FBXO4: variants seen among roughly 807,000 people sequenced by gnomAD.
FBXO4 encodes F-box only protein 4.
A neutral mutation model predicts 43.7 loss-of-function variants in FBXO4; 36 were observed. The observed-to-expected ratio is 0.82, with a 90% CI of 0.63 to 1.09. FBXO4 has a LOEUF of 1.09. FBXO4 is among the 50% of genes least tolerant of loss of function. FBXO4 has a pLI of 0.00. For synonymous variants in FBXO4, 180 were observed against 165.6 expected (o/e 1.09, Z -0.67); for missense variants, 435 against 474.1 (o/e 0.92, Z 0.77).
intron 6 of FBXO4, among the ~76,000 whole-genome samples, chr5:41,940,915 C>T (rs1751988860): frequency 6.6e-6 from 1 of 152,022 alleles, no homozygotes; most frequent in African/African-American, 2.4e-5. Context: ...AATTTTTTCC[C>T]CTCATACATG....
At chr5:42,020,413 T>C in the FBXO4 span, among the ~76,000 whole-genome samples, 15 of 152,176 alleles carry the variant, frequency 9.9e-5, no homozygotes, top group Non-Finnish European at 2.2e-4. Context: ...CTGATCTAGA[T>C]AAATACAGAG....
the FBXO4 span, among the ~76,000 whole-genome samples, chr5:41,995,936 G>A: frequency 6.6e-6 from 1 of 152,160 alleles, no homozygotes; most frequent in Admixed American, 6.5e-5. Context: ...CTTCACTACT[G>A]TCCTTCAGGC....
chr5:42,032,973 C>T, the FBXO4 span, among the ~76,000 whole-genome samples: 106 of 152,232 alleles, frequency 7.0e-4, no homozygotes, highest in African/African-American at 2.4e-3. Context: ...GACCTAGGTC[C>T]TTCCCTTCAA....
At chr5:42,031,515 C>G in the FBXO4 span, among the ~76,000 whole-genome samples, 2 of 150,566 alleles carry the variant, frequency 1.3e-5, no homozygotes, top group Non-Finnish European at 1.5e-5. Flanking sequence ...TGCTAAATGA[C>G]GAGTTAATGG....
At chr5:42,018,140 A>T in the FBXO4 span, among the ~76,000 whole-genome samples, 1 of 148,872 alleles carries the variant, frequency 6.7e-6, no homozygotes, top group East Asian at 1.9e-4. Context: ...TAATTAACAA[A>T]CTATATATAT....
intron 5 of FBXO4, among the ~76,000 whole-genome samples, chr5:41,936,823 T>A (rs1234529813): frequency 6.6e-6 from 1 of 151,608 alleles, no homozygotes; most frequent in African/African-American, 2.4e-5. Context: ...ATCTATCCAG[T>A]GATCTAACTC....
chr5:41,930,954 C>T (rs377715952), intron 3 of FBXO4, among the ~76,000 whole-genome samples: 72 of 152,276 alleles, frequency 4.7e-4, no homozygotes, highest in African/African-American at 1.6e-3. Flanking sequence ...CCGCGCCCGG[C>T]GGAGAACTAC....
Position 41,933,927 on chromosome 5 carries a change from CTG to C in FBXO4, c.647-16_647-15del, listed in dbSNP as rs751161590. ...TTTTATTAATGATTTGTTTTGGTAACTGTGATTTTCTTTCTTAGGTATTGGAT... is the reference window on the plus strand; with the variant it reads ...TTTTATTAATGATTTGTTTTGGTAACTGATTTTCTTTCTTAGGTATTGGAT... On this transcript the variant is annotated splice_polypyrimidine_tract_variant and intron_variant, in intron 3 of 6. Transcript: ENST00000281623. 6.3e-6 allele frequency: 10 copies of C among 1,590,472 alleles called. No homozygotes were observed. Among genetic ancestry groups the C allele is most frequent in the Admixed American group, 5.2e-5 (3 of 58,028 alleles).
At chr5:41,931,121 G>T (rs1751675600) in intron 3 of FBXO4, among the ~76,000 whole-genome samples, 1 of 152,170 alleles carries the variant, frequency 6.6e-6, no homozygotes, top group Non-Finnish European at 1.5e-5. Context: ...GATGATCAAG[G>T]TTGCATGTTA....
chr5:41,978,007 A>G, the FBXO4 span, among the ~76,000 whole-genome samples: 1 of 152,172 alleles, frequency 6.6e-6, no homozygotes, highest in African/African-American at 2.4e-5. Context: ...AACAGGCTTA[A>G]TTAGCACACA....
chr5:41,959,478 C>A, the FBXO4 span, among the ~76,000 whole-genome samples: 1 of 151,986 alleles, frequency 6.6e-6, no homozygotes, highest in South Asian at 2.1e-4. Flanking sequence ...TGCCATGGAG[C>A]TTTCCCTCCA....
At chr5:41,962,235 C>T in the FBXO4 span, among the ~76,000 whole-genome samples, 28 of 152,154 alleles carry the variant, frequency 1.8e-4, no homozygotes, top group African/African-American at 6.5e-4. Context: ...GGATCTGTGC[C>T]TTCGTTTTAG....
the FBXO4 span, among the ~76,000 whole-genome samples, chr5:42,031,596 A>T: frequency 2.0e-5 from 3 of 151,854 alleles, no homozygotes; most frequent in Admixed American, 6.6e-5. Context: ...GTACCCTAAA[A>T]CTTAAAGTAT....
the FBXO4 span, among the ~76,000 whole-genome samples, chr5:42,002,301 A>G: frequency 6.6e-6 from 1 of 152,222 alleles, no homozygotes; most frequent in Non-Finnish European, 1.5e-5. Context: ...ATAGTAGTGC[A>G]AGGCTTAAAT....
the FBXO4 span, among the ~76,000 whole-genome samples, chr5:41,999,446 A>AGTGTGT: frequency 1.9e-5 from 2 of 107,776 alleles, no homozygotes; most frequent in African/African-American, 7.7e-5. Context: ...TATATATGTG[A>AGTGTGT]GTGTGTGTGT....
rs79479803 is a variant in FBXO4, at chr5:41,927,223, G to C, written c.400G>C (p.Gly134Arg). 6.2e-7 allele frequency: 1 copy of C among 1,604,280 alleles called. No homozygotes were observed. The highest frequency in any genetic ancestry group is 1.7e-5 in the Admixed American group (1 of 57,290). ...LKKPISEVTD[G>R]AFFDYMAVYR... ...AAAGCCTATATCTGAGGTCACTGATGGTGCATTTTTTGACTACATGGCAGT... is the reference window on the plus strand; with the variant it reads ...AAAGCCTATATCTGAGGTCACTGATCGTGCATTTTTTGACTACATGGCAGT... The change falls in exon 2 of 7, where the codon GGT becomes CGT. Residue 134 changes from glycine (G) to arginine (R), a missense_variant. Transcript: ENST00000281623.
the FBXO4 span, among the ~76,000 whole-genome samples, chr5:42,029,733 T>C: frequency 2.0e-5 from 3 of 152,162 alleles, no homozygotes; most frequent in Admixed American, 6.6e-5. Context: ...CATTCTGCTA[T>C]TAAATGACTC....
chr5:42,037,720 C>A, the FBXO4 span, among the ~76,000 whole-genome samples: 3 of 152,058 alleles, frequency 2.0e-5, no homozygotes, highest in Non-Finnish European at 2.9e-5. Flanking sequence ...TCTGAAGGGC[C>A]ACAGGGGAAG....
chr5:41,943,542 C>T (rs190194730), downstream of FBXO4, among the ~76,000 whole-genome samples: 4 of 152,186 alleles, frequency 2.6e-5, no homozygotes, highest in South Asian at 2.1e-4. Context: ...TCAGTACTAA[C>T]GTTCTAAGAG....
Sources: allele counts gnomAD v4.1 joint callset (sites outside exome capture counted in the v4.1 genomes callset), GRCh38; gene constraint gnomAD v4.1.1; transcripts MANE v1.5; gene names NCBI Gene and HGNC (gene_info 2026-07-23, HGNC 2026-07-21).